Variants in SPESP1 observed in about 807,000 individuals in gnomAD.
SPESP1 encodes equatorial segment protein.
In SPESP1, 1 loss-of-function variant was observed where a neutral mutation model predicts 3.1. The ratio of observed to expected loss-of-function variants is 0.33; its 90% CI spans 0.12 to 1.54. The LOEUF (loss-of-function observed/expected upper bound fraction) is 1.54, where lower values mean the gene tolerates loss of function less well. Among genes scored for constraint, SPESP1 ranks in the 40% most tolerant of loss-of-function variants. The pLI is 0.38. For synonymous variants in SPESP1, 138 were observed against 150.7 expected (o/e 0.92, Z 0.62); for missense variants, 398 against 410.1 (o/e 0.97, Z 0.26).
intron 1 of SPESP1, among the ~76,000 whole-genome samples, chr15:68,937,647 G>T (rs989399012): frequency 6.6e-6 from 1 of 152,110 alleles, no homozygotes; most frequent in African/African-American, 2.4e-5. Context: ...GGTGGTGTGT[G>T]TTCTCCAGGG....
Position 68,945,892 on chromosome 15 carries a change from C to A in SPESP1, c.358C>A (p.Pro120Thr). ...AAAGAAAAAACACACGGAAAGTACC[C>A]CATTCTGGTCGATCAAACCAAACAA... The part of the protein sequence containing the change: ...IGKKKHTEST[P>T]FWSIKPNNVS... Residue 120 changes from proline to threonine, a missense_variant, in exon 2 of 2, where the codon CCA becomes ACA. Coordinates refer to ENST00000310673, the MANE Select transcript of SPESP1 (RefSeq NM_145658.4). 6.2e-7 allele frequency: 1 copy of A among 1,614,038 alleles called. No individual in the cohort carries two copies. The highest frequency in any genetic ancestry group is 8.5e-7 in the Non-Finnish European group (1 of 1,180,008).
rs560971036 is a variant in SPESP1, at chr15:68,943,837, C to CA, written c.65-1751dup. 7.8e-3 allele frequency among the ~76,000 whole-genome samples: 1,070 copies of CA among 137,528 alleles called. 2 individuals are homozygous for CA. The highest frequency in any genetic ancestry group is 0.032 in the East Asian group (157 of 4,850). 90.2% of individuals were successfully genotyped at this position (137,528 alleles called of 152,430 possible). A position where few individuals can be genotyped will look rare whatever the true frequency, so the allele number is the denominator to read the frequency against. On this transcript the variant is annotated intron_variant, in intron 1 of 1. Coordinates refer to ENST00000310673, the MANE Select transcript of SPESP1 (RefSeq NM_145658.4). ...AAATAAAGCTGGCCTCCTTAAAACT[C>CA]AAAAAAAAAAAGAATTTTTTAAGAT...
At position 68,946,521 on chromosome 15, in the gene SPESP1, A is replaced by G. The variant is rs1336876616; in HGVS notation, c.987A>G (p.Thr329=). 1 of 1,603,534 alleles carries G rather than the reference A, an allele frequency of 6.2e-7. No individual in the cohort carries two copies. The highest frequency in any genetic ancestry group is 1.7e-5 in the Admixed American group (1 of 58,036). ...VPPEMREKAA[T]VFNTLKNMCR... The stretch of plus-strand genomic sequence containing the variant: ...CAGAGATGAGAGAAAAAGCTGCTAC[A>G]GTATTCAATACATTAAAAAATATGT... The change falls in exon 2 of 2, where the codon ACA becomes ACG. Residue 329 remains threonine (T), a synonymous_variant. Coordinates refer to ENST00000310673, the MANE Select transcript of SPESP1 (RefSeq NM_145658.4).
Position 68,946,403 on chromosome 15 carries a change from G to A in SPESP1, c.869G>A (p.Ser290Asn), listed in dbSNP as rs1185272157. The A allele has an allele frequency of 3.1e-6, 5 of 1,613,940 alleles. No homozygotes were observed. The Admixed American group carries it at 6.7e-5, about 22-fold the overall frequency. ...CAGTTATTGCCAGTAGGACGAACAA[G>A]TAATAAAATTGATGACATCGAAACT... Reference protein sequence around the residue: ...KSQLLPVGRTSNKIDDIETVI... With the variant: ...KSQLLPVGRTNNKIDDIETVI... Residue 290 changes from serine (S) to asparagine (N), a missense_variant, in exon 2 of 2, where the codon AGT becomes AAT. Coordinates refer to ENST00000310673, the MANE Select transcript of SPESP1 (RefSeq NM_145658.4).
At position 68,946,330 on chromosome 15, in the gene SPESP1, G is replaced by C. The variant is rs1462947837; in HGVS notation, c.796G>C (p.Ala266Pro). 1 of 1,614,120 alleles carries C rather than the reference G, an allele frequency of 6.2e-7. No individual in the cohort carries two copies. Among genetic ancestry groups the C allele is most frequent in the East Asian group, 2.2e-5 (1 of 44,890 alleles). ...ASKDHLKRSL[A>P]LAAAAEHKLK... The stretch of plus-strand genomic sequence containing the variant: ...TAAAGATCACCTAAAACGAAGCCTT[G>C]CTCTAGCAGCAGCAGCAGAACATAA... Residue 266 changes from alanine to proline, a missense_variant, in exon 2 of 2, where the codon GCT becomes CCT. Ala to Pro is a conservative substitution (Grantham distance 27). Transcript: ENST00000310673.
chr15:68,934,933 A>G (rs1335546326), intron 1 of SPESP1, among the ~76,000 whole-genome samples: 1 of 151,980 alleles, frequency 6.6e-6, no homozygotes, highest in Non-Finnish European at 1.5e-5. Flanking sequence ...ATTTTTAAAG[A>G]CTTCTTGTTT....
intron 1 of SPESP1, among the ~76,000 whole-genome samples, chr15:68,942,403 A>G (rs964596202): frequency 6.6e-6 from 1 of 152,024 alleles, no homozygotes; most frequent in East Asian, 1.9e-4. Flanking sequence ...TTTCTGTCCA[A>G]TTCTTATGTC....
intron 1 of SPESP1, among the ~76,000 whole-genome samples, chr15:68,938,777 G>A (rs1436304951): frequency 6.6e-6 from 1 of 152,150 alleles, no homozygotes; most frequent in African/African-American, 2.4e-5. Context: ...GGCAGCCTGT[G>A]TTCAAATCTC....
In SPESP1 at chr15:68,946,547, G is replaced by A; in HGVS notation, c.1013G>A (p.Cys338Tyr). The change falls in exon 2 of 2, where the codon TGT becomes TAT. Residue 338 changes from cysteine to tyrosine, a missense_variant. Coordinates refer to ENST00000310673, the MANE Select transcript of SPESP1 (RefSeq NM_145658.4). ...ATVFNTLKNM[C>Y]RSRRVTALLK... ...GTATTCAATACATTAAAAAATATGT[G>A]TAGATCAAGGAGAGTCACAGCCTTA... The A allele has an allele frequency of 6.4e-7, 1 of 1,567,534 alleles. No homozygotes were observed. The highest frequency in any genetic ancestry group is 8.6e-7 in the Non-Finnish European group (1 of 1,164,496).
intron 1 of SPESP1, among the ~76,000 whole-genome samples, chr15:68,933,748 A>G (rs1383179852): frequency 6.6e-6 from 1 of 151,574 alleles, no homozygotes; most frequent in Admixed American, 6.6e-5. Flanking sequence ...AGTCCCAGCT[A>G]TTCGGGAGGC....
chr15:68,946,002 T>C lies in SPESP1; in HGVS notation c.468T>C (p.Thr156=). 2 of 1,614,158 alleles carry C rather than the reference T, an allele frequency of 1.2e-6. No individual in the cohort carries two copies. The highest frequency in any genetic ancestry group is 1.7e-6 in the Non-Finnish European group (2 of 1,180,020). ...AGCCGGAGCCAGCTGCAAAACAAAC[T>C]GAGGCACCAAGAATGTTGCCAGTTG... ...EPEPEPAAKQ[T]EAPRMLPVVT... The change falls in exon 2 of 2, where the codon ACT becomes ACC. Residue 156 remains threonine (T), a synonymous_variant. Coordinates refer to ENST00000310673, the MANE Select transcript of SPESP1 (RefSeq NM_145658.4).
intron 1 of SPESP1, among the ~76,000 whole-genome samples, chr15:68,934,896 T>C (rs905098741): frequency 3.3e-5 from 5 of 152,160 alleles, no homozygotes; most frequent in African/African-American, 9.7e-5. Context: ...AGCTGTCTTC[T>C]CTTGTTCTTT....
chr15:68,944,180 A>T (rs1478865121), intron 1 of SPESP1, among the ~76,000 whole-genome samples: 1 of 152,132 alleles, frequency 6.6e-6, no homozygotes, highest in African/African-American at 2.4e-5. Flanking sequence ...AAATTAAAAT[A>T]CCCTGGTTCA....
intron 1 of SPESP1, among the ~76,000 whole-genome samples, chr15:68,938,117 A>G (rs1429385221): frequency 6.6e-6 from 1 of 152,120 alleles, no homozygotes; most frequent in Non-Finnish European, 1.5e-5. Context: ...AGTAGCTGGG[A>G]CTACAGGTGC....
intron 1 of SPESP1, among the ~76,000 whole-genome samples, chr15:68,931,559 G>A (rs1275567950): frequency 6.6e-6 from 1 of 152,102 alleles, no homozygotes. Flanking sequence ...TGTGGGTCGC[G>A]GTCTGGGACA....
rs140080901 is a variant in SPESP1, at chr15:68,934,692, A to G, written c.64+3975A>G. 1.1e-3 allele frequency among the ~76,000 whole-genome samples: 169 copies of G among 152,350 alleles called. 1 individual carries two copies. Among genetic ancestry groups the G allele is most frequent in the African/African-American group, 3.9e-3 (161 of 41,582 alleles). ...GGATATACTTTAATCTCTTGATAAT[A>G]TATGTGAAATTAAACTTAAGCAACA... On this transcript the variant is annotated intron_variant, in intron 1 of 1. Coordinates refer to ENST00000310673, the MANE Select transcript of SPESP1 (RefSeq NM_145658.4).
At chr15:68,945,549 A>T in intron 1 of SPESP1, 50 bp from the exon 2 acceptor site, 1 of 1,407,750 alleles carries the variant, frequency 7.1e-7, no homozygotes, top group South Asian at 1.7e-5. Flanking sequence ...TCAGTGTGTC[A>T]TATATAATAA....
intron 1 of SPESP1, among the ~76,000 whole-genome samples, chr15:68,933,557 T>TAA (rs879556878): frequency 1.4e-5 from 2 of 145,478 alleles, no homozygotes; most frequent in African/African-American, 5.0e-5. Flanking sequence ...CTTTTTGCTT[T>TAA]AAAAAAAAAA....
chr15:68,946,357 T>C lies in SPESP1; in HGVS notation c.823T>C (p.Leu275=). The change falls in exon 2 of 2, where the codon TTA becomes CTA. Residue 275 remains leucine (L), a synonymous_variant. Transcript: ENST00000310673. ...LALAAAAEHK[L]KTMYKSQLLP... ...TCTAGCAGCAGCAGCAGAACATAAATTAAAAACAATGTATAAGTCCCAGTT... is the reference window on the plus strand; with the variant it reads ...TCTAGCAGCAGCAGCAGAACATAAACTAAAAACAATGTATAAGTCCCAGTT... 6.2e-7 allele frequency: 1 copy of C among 1,614,106 alleles called. No homozygotes were observed.
Sources: gnomAD v4.1 joint callset for allele counts (sites outside exome capture counted in the v4.1 genomes callset) on GRCh38, gnomAD v4.1.1 for gene constraint, MANE v1.5 for transcripts, NCBI Gene and HGNC (gene_info 2026-07-23, HGNC 2026-07-21) for gene names.